C1orf21: variants seen among roughly 807,000 people sequenced by gnomAD.
C1orf21 encodes the protein uncharacterized protein C1orf21.
A neutral mutation model predicts 18.7 loss-of-function variants in C1orf21; 3 were observed. That is an observed-to-expected ratio of 0.16 (90% CI 0.07 to 0.42). C1orf21 has a LOEUF of 0.42. Among genes scored for constraint, C1orf21 ranks in the 10% least tolerant of loss-of-function variants. The pLI is 0.99. For missense variants in C1orf21, 104 were observed against 143.6 expected (o/e 0.72, Z 1.41); for synonymous variants, 41 against 46.4 (o/e 0.88, Z 0.47).
intron 1 of C1orf21, among the ~76,000 whole-genome samples, chr1:184,425,953 G>A (rs1459584815): frequency 2.0e-5 from 3 of 152,230 alleles, no homozygotes; most frequent in Non-Finnish European, 4.4e-5. Flanking sequence ...CTTCAGGGAG[G>A]CTATAAAGAG....
intron 3 of C1orf21, among the ~76,000 whole-genome samples, chr1:184,539,595 C>T (rs1159560916): frequency 6.6e-6 from 1 of 152,186 alleles, no homozygotes; most frequent in African/African-American, 2.4e-5. Flanking sequence ...TGGTAGAACT[C>T]ACCAGTGAAG....
chr1:184,402,644 TC>T (rs1408804122), intron 1 of C1orf21, among the ~76,000 whole-genome samples: 1 of 152,022 alleles, frequency 6.6e-6, no homozygotes, highest in Non-Finnish European at 1.5e-5. Context: ...TCCATCTTTT[TC>T]CCACTGATTT....
intron 3 of C1orf21, 35 bp from the exon 4 acceptor site, chr1:184,590,704 C>A: frequency 6.4e-7 from 1 of 1,564,926 alleles, no homozygotes; most frequent in Non-Finnish European, 8.8e-7. Flanking sequence ...GGATTCTAAT[C>A]CTGTCTTTCA....
chr1:184,416,752 T>C (rs1656458625), intron 1 of C1orf21, among the ~76,000 whole-genome samples: 1 of 152,180 alleles, frequency 6.6e-6, no homozygotes, highest in African/African-American at 2.4e-5. Context: ...ATGATAATCA[T>C]CCCTGACCTA....
intron 3 of C1orf21, among the ~76,000 whole-genome samples, chr1:184,512,326 A>ATCT (rs1392631768): frequency 6.6e-6 from 1 of 152,200 alleles, no homozygotes; most frequent in East Asian, 1.9e-4. Context: ...GCTAAAAACT[A>ATCT]TCTTTTTGGC....
intron 1 of C1orf21, among the ~76,000 whole-genome samples, chr1:184,403,185 C>G (rs531445029): frequency 1.3e-5 from 2 of 152,290 alleles, no homozygotes; most frequent in East Asian, 3.9e-4. Context: ...TACTGAAACC[C>G]TGCAAACAGT....
chr1:184,544,319 A>G (rs1658698216), intron 3 of C1orf21, among the ~76,000 whole-genome samples: 1 of 152,166 alleles, frequency 6.6e-6, no homozygotes, highest in African/African-American at 2.4e-5. Flanking sequence ...CTTATTGTGT[A>G]ATGAATCACT....
At position 184,628,666 on chromosome 1, in the gene C1orf21, C is replaced by T. The variant is rs1303597009; in HGVS notation, c.*9110C>T. The T allele has an allele frequency of 1.3e-5, 2 of 152,552 alleles. No homozygotes were observed. Among genetic ancestry groups the T allele is most frequent in the African/African-American group, 2.4e-5 (1 of 41,424 alleles). The allele number at this position is 152,552 out of a possible 1,614,324, so 9.4% of individuals were successfully genotyped here. ...AGCTGTCCCTAGACAGTAGTGGCTA[C>T]AGGTGCTAAGCAAAAGTCAGGTACA... On this transcript the variant is annotated 3_prime_UTR_variant, in exon 6 of 6. Coordinates refer to ENST00000235307, the MANE Select transcript of C1orf21 (RefSeq NM_030806.4).
intron 3 of C1orf21, among the ~76,000 whole-genome samples, chr1:184,517,249 A>T (rs779792698): frequency 2.6e-5 from 4 of 152,208 alleles, no homozygotes; most frequent in Non-Finnish European, 5.9e-5. Flanking sequence ...AGATATTCTC[A>T]TATTTAGGAA....
At chr1:184,515,360 G>A (rs1658209034) in intron 3 of C1orf21, among the ~76,000 whole-genome samples, 1 of 152,164 alleles carries the variant, frequency 6.6e-6, no homozygotes. Context: ...TTGGGAATCT[G>A]CAAGTAGAAT....
intron 1 of C1orf21, among the ~76,000 whole-genome samples, chr1:184,454,631 G>A (rs1287953756): frequency 2.0e-5 from 3 of 151,998 alleles, no homozygotes; most frequent in South Asian, 2.1e-4. Context: ...GAGTTCTCAC[G>A]AGATCTGGTT....
chr1:184,505,354 A>G lies in C1orf21; in HGVS notation c.95-2234A>G, dbSNP rs545494654. Among the ~76,000 whole-genome samples, 202 of 119,960 alleles carry G rather than the reference A, an allele frequency of 1.7e-3. 3 individuals are homozygous for G. Among genetic ancestry groups the G allele is most frequent in the African/African-American group, 4.7e-3 (142 of 30,502 alleles). The allele number at this position is 119,960 out of a possible 152,430, so 78.7% of individuals were successfully genotyped here. On this transcript the variant is annotated intron_variant, in intron 2 of 5. Coordinates refer to ENST00000235307, the MANE Select transcript of C1orf21 (RefSeq NM_030806.4). ...ATATATATATATACACACATGCCAT[A>G]TATATATAGACATGTATATATTCAC...
At chr1:184,577,965 T>TTTTTTTTTTTTTTTTC (rs1659218897) in intron 3 of C1orf21, among the ~76,000 whole-genome samples, 1 of 146,604 alleles carries the variant, frequency 6.8e-6, no homozygotes, top group African/African-American at 2.5e-5. Context: ...TTTTTTTTTT[T>TTTTTTTTTTTTTTTTC]TTTTTTGAGA....
rs1382804419 is a variant in C1orf21 at position 184,477,439 on chromosome 1, GA to G, written c.-63del. ...AAGGTGGATTTTCTTTGTGTTTAAAGAAAAAAAATGTCCCTGTGTCTGTAGA... is the reference window on the plus strand; with the variant it reads ...AAGGTGGATTTTCTTTGTGTTTAAAGAAAAAAATGTCCCTGTGTCTGTAGA... On this transcript the variant is annotated 5_prime_UTR_variant, in exon 2 of 6. It adds an upstream start codon to the 5' untranslated region. Transcript: ENST00000235307. 5.8e-5 allele frequency: 77 copies of G among 1,323,978 alleles called. No individual in the cohort carries two copies. The highest frequency in any genetic ancestry group is 3.0e-4 in the South Asian group (23 of 76,800). 82.0% of individuals were successfully genotyped at this position (1,323,978 alleles called of 1,614,324 possible). A position where few individuals can be genotyped will look rare whatever the true frequency, so the allele number is the denominator to read the frequency against.
intron 3 of C1orf21, among the ~76,000 whole-genome samples, chr1:184,559,056 G>A (rs906782903): frequency 2.0e-5 from 3 of 152,134 alleles, no homozygotes; most frequent in African/African-American, 7.2e-5. Flanking sequence ...ATGTGGATAG[G>A]GAGTCCATCC....
At chr1:184,397,286 G>A (rs533237933) in intron 1 of C1orf21, among the ~76,000 whole-genome samples, 3 of 152,274 alleles carry the variant, frequency 2.0e-5, no homozygotes, top group African/African-American at 4.8e-5. Context: ...TTTTCTCACC[G>A]TTAAAAAACT....
chr1:184,596,273 GT>G (rs1416867750), intron 4 of C1orf21, among the ~76,000 whole-genome samples: 1 of 152,180 alleles, frequency 6.6e-6, no homozygotes, highest in Non-Finnish European at 1.5e-5. Context: ...ACCAGCCCTG[GT>G]TTTATAGATG....
intron 1 of C1orf21, among the ~76,000 whole-genome samples, chr1:184,423,843 C>T (rs901175038): frequency 1.3e-5 from 2 of 150,082 alleles, no homozygotes; most frequent in African/African-American, 5.0e-5. Flanking sequence ...TCCCTCCACT[C>T]ATCCATCCAC....
At chr1:184,444,949 A>C (rs926072130) in intron 1 of C1orf21, among the ~76,000 whole-genome samples, 4 of 152,174 alleles carry the variant, frequency 2.6e-5, no homozygotes, top group Non-Finnish European at 5.9e-5. Flanking sequence ...ACCTGGGATG[A>C]ATATAATATT....
Sources: allele counts gnomAD v4.1 joint callset (sites outside exome capture counted in the v4.1 genomes callset), GRCh38; gene constraint gnomAD v4.1.1; transcripts MANE v1.5; gene names NCBI Gene and HGNC (gene_info 2026-07-23, HGNC 2026-07-21).